Variants in OPCML observed in about 807,000 individuals in gnomAD.
OPCML encodes the protein opioid binding protein/cell adhesion molecule like, also known as opioid-binding protein/cell adhesion molecule.
In OPCML, 13 loss-of-function variants were observed where a neutral mutation model predicts 37.8. The observed-to-expected ratio is 0.34, with a 90% CI of 0.22 to 0.55. OPCML has a LOEUF of 0.55. OPCML is among the 20% of genes least tolerant of loss of function. The pLI is 0.91. For missense variants in OPCML, 341 were observed against 435.6 expected, an observed-to-expected ratio of 0.78 and a Z score of 1.93; for synonymous variants, 176 against 168.8, an observed-to-expected ratio of 1.04 and a Z score of -0.33.
intron 2 of OPCML, among the ~76,000 whole-genome samples, chr11:132,866,328 G>T (rs78494753): frequency 6.6e-6 from 1 of 152,170 alleles, no homozygotes; most frequent in African/African-American, 2.4e-5. Flanking sequence ...GCTATAAAGC[G>T]CATCATGAAA....
intron 1 of OPCML, among the ~76,000 whole-genome samples, chr11:133,498,950 C>T (rs1307103677): frequency 1.3e-5 from 2 of 152,124 alleles, no homozygotes; most frequent in African/African-American, 4.8e-5. Flanking sequence ...AAGATTGTTA[C>T]CACTGTACAG....
chr11:133,242,554 G>T (rs368514420), intron 1 of OPCML, among the ~76,000 whole-genome samples: 4 of 152,134 alleles, frequency 2.6e-5, no homozygotes, highest in Admixed American at 6.5e-5. Flanking sequence ...CTTTGTGCAG[G>T]TGCCTCCTGG....
At chr11:132,652,341 G>A (rs1941467253) in intron 3 of OPCML, among the ~76,000 whole-genome samples, 1 of 127,518 alleles carries the variant, frequency 7.8e-6, no homozygotes, top group South Asian at 2.4e-4. Context: ...ATAGAAGGAA[G>A]AATGACAAAC....
At chr11:132,462,035 A>G (rs1232508120) in intron 4 of OPCML, among the ~76,000 whole-genome samples, 1 of 152,180 alleles carries the variant, frequency 6.6e-6, no homozygotes, top group Non-Finnish European at 1.5e-5. Flanking sequence ...TGGAATAAAT[A>G]TAGGTGACAA....
At chr11:133,348,256 C>T (rs1055731251) in intron 1 of OPCML, among the ~76,000 whole-genome samples, 2 of 152,144 alleles carry the variant, frequency 1.3e-5, no homozygotes, top group African/African-American at 4.8e-5. Flanking sequence ...TTCACCAGAG[C>T]CCAGATGCCA....
rs140272147 is a variant in OPCML at position 132,597,505 on chromosome 11, T to C, written c.379+59582A>G. On this transcript the variant is annotated intron_variant, in intron 3 of 7. Coordinates refer to ENST00000524381, the MANE Select transcript of OPCML (RefSeq NM_001012393.5). ...TGGAATAGCCCCAAACTTTATCAGATGCAAGACAAATGAAAGGAAAGATCA... is the reference window on the plus strand; with the variant it reads ...TGGAATAGCCCCAAACTTTATCAGACGCAAGACAAATGAAAGGAAAGATCA... 4.6e-5 allele frequency among the ~76,000 whole-genome samples: 7 copies of C among 152,312 alleles called. No homozygotes were observed. The East Asian group carries it at 1.4e-3, about 29-fold the overall frequency.
chr11:133,502,640 G>A (rs779209198), intron 1 of OPCML, among the ~76,000 whole-genome samples: 22 of 152,222 alleles, frequency 1.4e-4, no homozygotes, highest in Non-Finnish European at 2.4e-4. Context: ...ACGATTTTCA[G>A]GGAAGAAAGG....
intron 2 of OPCML, among the ~76,000 whole-genome samples, chr11:132,687,391 T>C (rs1334847328): frequency 2.8e-5 from 2 of 71,868 alleles, no homozygotes; most frequent in East Asian, 4.7e-4. Context: ...TATATATATA[T>C]ATATATATAT....
At chr11:132,461,521 G>A (rs1021516119) in intron 4 of OPCML, among the ~76,000 whole-genome samples, 1 of 152,110 alleles carries the variant, frequency 6.6e-6, no homozygotes, top group Non-Finnish European at 1.5e-5. Context: ...TGGATCCTTG[G>A]TAATTCTCTT....
At chr11:133,339,563 GA>G (rs1943817504) in intron 1 of OPCML, among the ~76,000 whole-genome samples, 1 of 152,166 alleles carries the variant, frequency 6.6e-6, no homozygotes, top group Non-Finnish European at 1.5e-5. Flanking sequence ...ACGATGCTCA[GA>G]TTTACCCTTT....
chr11:132,445,513 G>A (rs1165299461), intron 4 of OPCML, among the ~76,000 whole-genome samples: 2 of 149,934 alleles, frequency 1.3e-5, no homozygotes, highest in Non-Finnish European at 2.9e-5. Context: ...AGAAGGGATG[G>A]CAAGGAAACT....
intron 2 of OPCML, among the ~76,000 whole-genome samples, chr11:132,873,184 T>C (rs1282369552): frequency 2.6e-5 from 4 of 152,224 alleles, no homozygotes; most frequent in African/African-American, 9.6e-5. Flanking sequence ...ATCTCCTCAG[T>C]CATTTTCCAA....
At chr11:132,887,600 G>A (rs1943473184) in intron 2 of OPCML, among the ~76,000 whole-genome samples, 1 of 152,204 alleles carries the variant, frequency 6.6e-6, no homozygotes, top group South Asian at 2.1e-4. Context: ...TGAGGATGAT[G>A]ATACCCATTT....
rs144771984 is a variant in OPCML at position 133,134,553 on chromosome 11, C to A, written c.62-191543G>T. On this transcript the variant is annotated intron_variant, in intron 1 of 7. Coordinates refer to ENST00000524381, the MANE Select transcript of OPCML (RefSeq NM_001012393.5). ...AGGCAGGAGAGAAAGGGGAACTGGG[C>A]AGTCACCCCTTGGGGGATGACTCTT... Among the ~76,000 whole-genome samples, 5 of 151,720 alleles carry A rather than the reference C, an allele frequency of 3.3e-5. No homozygotes were observed. The East Asian group carries it at 9.7e-4, about 29-fold the overall frequency.
At chr11:132,635,087 A>G (rs1940402347) in intron 3 of OPCML, among the ~76,000 whole-genome samples, 1 of 152,202 alleles carries the variant, frequency 6.6e-6, no homozygotes, top group African/African-American at 2.4e-5. Context: ...AACACTGCCC[A>G]TGATTATTAC....
At chr11:133,362,774 C>T (rs919852433) in intron 1 of OPCML, among the ~76,000 whole-genome samples, 2 of 152,084 alleles carry the variant, frequency 1.3e-5, no homozygotes, top group African/African-American at 4.8e-5. Flanking sequence ...TTCCAAACTC[C>T]CACTGGCCCC....
chr11:133,415,332 C>G (rs1168632730), intron 1 of OPCML, among the ~76,000 whole-genome samples: 1 of 151,844 alleles, frequency 6.6e-6, no homozygotes, highest in African/African-American at 2.4e-5. Flanking sequence ...ATGGCATGAA[C>G]CCAGGAGGCA....
chr11:132,435,409 T>C (rs1311369642), intron 7 of OPCML, among the ~76,000 whole-genome samples: 4 of 152,170 alleles, frequency 2.6e-5, no homozygotes, highest in Admixed American at 2.0e-4. Context: ...AACAAATACA[T>C]ATGCACATAC....
rs1317947883 is a variant in OPCML at position 132,415,988 on chromosome 11, T to C, written c.*4205A>G. 1 of 152,634 alleles carries C rather than the reference T, an allele frequency of 6.6e-6. No individual in the cohort carries two copies. Among genetic ancestry groups the C allele is most frequent in the Admixed American group, 6.5e-5 (1 of 15,284 alleles). 9.5% of individuals were successfully genotyped at this position (152,634 alleles called of 1,614,324 possible). A position where few individuals can be genotyped will look rare whatever the true frequency, so the allele number is the denominator to read the frequency against. Reference sequence around the variant, plus strand: ...GTTTTACTCAAGTGCTCAAACTTATTTGTCTTCAAGTAAAAAGACAGGGAA... The same window carrying C: ...GTTTTACTCAAGTGCTCAAACTTATCTGTCTTCAAGTAAAAAGACAGGGAA... On this transcript the variant is annotated 3_prime_UTR_variant, in exon 8 of 8. Coordinates refer to ENST00000524381, the MANE Select transcript of OPCML (RefSeq NM_001012393.5).
Sources: allele counts gnomAD v4.1 joint callset (sites outside exome capture counted in the v4.1 genomes callset), GRCh38; gene constraint gnomAD v4.1.1; transcripts MANE v1.5; gene names NCBI Gene and HGNC (gene_info 2026-07-23, HGNC 2026-07-21).